ABCB1: variants seen among roughly 807,000 people sequenced by gnomAD.
The protein encoded by ABCB1 is ATP binding cassette subfamily B member 1.
In ABCB1, 69 loss-of-function variants were observed where a neutral mutation model predicts 142.0. The observed-to-expected ratio is 0.49, with a 90% CI of 0.40 to 0.59. ABCB1 has a LOEUF of 0.59. Among genes scored for constraint, ABCB1 ranks in the 20% least tolerant of loss-of-function variants. The pLI is 0.00. For synonymous variants in ABCB1, 532 were observed against 539.2 expected (o/e 0.99, Z 0.18); for missense variants, 1,326 against 1,554.7 (o/e 0.85, Z 2.47).
chr7:87,631,492 G>T (rs796652878), intron 1 of ABCB1, among the ~76,000 whole-genome samples: 1 of 152,118 alleles, frequency 6.6e-6, no homozygotes, highest in African/African-American at 2.4e-5. Context: ...CCGGGTTCAC[G>T]CCATTCTCCT....
chr7:87,657,704 G>C lies in ABCB1; in HGVS notation c.-331+55457C>G, dbSNP rs28746497. On this transcript the variant is annotated intron_variant, in intron 1 of 28. Coordinates refer to the ABCB1 transcript ENST00000265724. Reference sequence around the variant, plus strand: ...GGGTGGGGTCAGAAGAGGCCTGTTAGAGAGTTATGTCTTTCACTGTCACCC... The same window carrying C: ...GGGTGGGGTCAGAAGAGGCCTGTTACAGAGTTATGTCTTTCACTGTCACCC... Among the ~76,000 whole-genome samples, 298 of 152,264 alleles carry C rather than the reference G, an allele frequency of 2.0e-3. 10 individuals carry two copies. In the East Asian group the frequency reaches 0.047, roughly 24 times the overall value.
intron 25 of ABCB1, among the ~76,000 whole-genome samples, 184 bp from the exon 26 acceptor site, chr7:87,509,665 T>C (rs1304974908): frequency 1.3e-5 from 2 of 152,240 alleles, no homozygotes; most frequent in Admixed American, 6.5e-5. Flanking sequence ...CTTGAGGAAC[T>C]GTCATGTTTC....
chr7:87,507,721 AG>A (rs1230746964), intron 26 of ABCB1, among the ~76,000 whole-genome samples: 3 of 152,056 alleles, frequency 2.0e-5, no homozygotes, highest in Non-Finnish European at 2.9e-5. Flanking sequence ...GAGGCTCCTG[AG>A]CTTTGTTTTA....
intron 26 of ABCB1, among the ~76,000 whole-genome samples, chr7:87,507,811 A>G (rs998583278): frequency 1.2e-4 from 18 of 152,194 alleles, no homozygotes; most frequent in Non-Finnish European, 4.4e-5. Flanking sequence ...AGCACTTCAA[A>G]ATATAGGACC....
chr7:87,630,439 G>C (rs549480548), intron 1 of ABCB1, among the ~76,000 whole-genome samples: 1 of 152,258 alleles, frequency 6.6e-6, no homozygotes, highest in East Asian at 1.9e-4. Flanking sequence ...TGTCTAGGAT[G>C]TAACTTTTTG....
intron 2 of ABCB1, among the ~76,000 whole-genome samples, chr7:87,597,069 C>T (rs571434258): frequency 4.4e-4 from 67 of 152,122 alleles, no homozygotes; most frequent in Non-Finnish European, 8.2e-4. Context: ...CTTTTAGAGA[C>T]GTAGAAGAGT....
chr7:87,629,762 T>C (rs1821011922), intron 1 of ABCB1, among the ~76,000 whole-genome samples: 1 of 151,692 alleles, frequency 6.6e-6, no homozygotes, highest in South Asian at 2.1e-4. Context: ...TCGTCTCTAC[T>C]AAAAATACAA....
At chr7:87,581,003 G>T (rs572434008) in intron 4 of ABCB1, among the ~76,000 whole-genome samples, 2 of 151,794 alleles carry the variant, frequency 1.3e-5, no homozygotes, top group East Asian at 3.9e-4. Context: ...AAGGTGCTTT[G>T]TTTTGTGAAT....
chr7:87,537,419 G>T (rs1385964170), intron 19 of ABCB1, among the ~76,000 whole-genome samples: 2 of 152,186 alleles, frequency 1.3e-5, no homozygotes, highest in African/African-American at 4.8e-5. Flanking sequence ...GAATCTACAG[G>T]ATTGGGATAA....
chr7:87,548,769 G>T (rs1470660123), intron 14 of ABCB1, among the ~76,000 whole-genome samples: 1 of 152,214 alleles, frequency 6.6e-6, no homozygotes, highest in African/African-American at 2.4e-5. Flanking sequence ...TTTGGTGAAT[G>T]AGTCATATGG....
At chr7:87,603,054 C>T (rs1045890145), upstream of ABCB1, 10 of 152,208 alleles carry the variant, frequency 6.6e-5, no homozygotes, top group African/African-American at 1.4e-4. Context: ...TCTTGTCCTC[C>T]GCTCTCATGT....
chr7:87,507,617 AAAG>A (rs1371689628), intron 26 of ABCB1, among the ~76,000 whole-genome samples: 1 of 152,184 alleles, frequency 6.6e-6, no homozygotes, highest in Non-Finnish European at 1.5e-5. Context: ...GCAGTTATCC[AAAG>A]AAGAGCCTAT....
At chr7:87,521,514 T>C in intron 21 of ABCB1, 1 of 753,448 alleles carries the variant, frequency 1.3e-6, no homozygotes. Flanking sequence ...AATTCTTCAT[T>C]GGAGGTTGAG....
intron 21 of ABCB1, chr7:87,521,107 T>C (rs190980289): frequency 2.1e-4 from 106 of 515,622 alleles, no homozygotes; most frequent in African/African-American, 1.9e-3. Context: ...AAGCTAAGAC[T>C]TAAATGGATT....
intron 1 of ABCB1, among the ~76,000 whole-genome samples, chr7:87,607,605 A>G (rs79418406): frequency 0.03 from 4,572 of 152,062 alleles, 64 homozygotes; most frequent in Middle Eastern, 0.048. Context: ...AGGTTGAAGC[A>G]CAGTGGCGCA....
chr7:87,542,096 G>C (rs1012460127), intron 17 of ABCB1, among the ~76,000 whole-genome samples: 4 of 152,096 alleles, frequency 2.6e-5, no homozygotes, highest in Non-Finnish European at 4.4e-5. Context: ...AAGAAAACAC[G>C]TATCTCCCTT....
Position 87,625,971 on chromosome 7 carries a change from A to AAT in ABCB1, c.-330-24895_-330-24894dup, listed in dbSNP as rs150751812. ...ATATACGTATGGCTAGAGAGAGAGG[A>AAT]ATATATATATATATATGTACATATA... is the stretch of plus-strand genomic sequence containing the variant. On this transcript the variant is annotated intron_variant, in intron 1 of 28. Coordinates refer to the ABCB1 transcript ENST00000265724. 1.2e-3 allele frequency among the ~76,000 whole-genome samples: 168 copies of AAT among 141,228 alleles called. 2 individuals carry two copies. The Middle Eastern group carries it at 0.019, about 16-fold the overall frequency. The allele number at this position is 141,228 out of a possible 152,430, so 92.7% of individuals were successfully genotyped here. A position where few individuals can be genotyped will look rare whatever the true frequency, so the allele number is the denominator to read the frequency against.
chr7:87,698,148 G>A (rs1721126634), intron 1 of ABCB1, among the ~76,000 whole-genome samples: 2 of 152,178 alleles, frequency 1.3e-5, no homozygotes, highest in Non-Finnish European at 2.9e-5. Context: ...CACCCAGGCT[G>A]GAGTGCAGTG....
Position 87,688,436 on chromosome 7 carries a change from G to A in ABCB1, c.-331+24725C>T, listed in dbSNP as rs528538298. Among the ~76,000 whole-genome samples the A allele has an allele frequency of 2.0e-5, 3 of 151,508 alleles. No individual in the cohort carries two copies. In the East Asian group the frequency reaches 5.8e-4, roughly 29 times the overall value. ...TTTATACGTATTTAGAAATGAAATT[G>A]AATATATTTTCATGTTTGTTTTTTT... is the stretch of plus-strand genomic sequence containing the variant. On this transcript the variant is annotated intron_variant, in intron 1 of 28. Transcript: ENST00000265724.
Sources: gnomAD v4.1 joint callset for allele counts (sites outside exome capture counted in the v4.1 genomes callset) on GRCh38, gnomAD v4.1.1 for gene constraint, MANE v1.5 for transcripts, NCBI Gene and HGNC (gene_info 2026-07-23, HGNC 2026-07-21) for gene names.